Variants in CFAP43 observed in about 807,000 individuals in gnomAD.
CFAP43 encodes the protein cilia- and flagella-associated protein 43.
In CFAP43, 155 loss-of-function variants were observed where a neutral mutation model predicts 218.9. The ratio of observed to expected loss-of-function variants is 0.71; its 90% CI spans 0.62 to 0.81. CFAP43 has a LOEUF of 0.81. Ranked by LOEUF, CFAP43 falls within the 30% of genes least tolerant of loss-of-function variation. CFAP43 has a pLI of 0.00. For missense variants in CFAP43, 1,778 were observed against 1,954.3 expected (o/e 0.91, Z 1.70); for synonymous variants, 645 against 681.3 (o/e 0.95, Z 0.83).
intron 33 of CFAP43, 46 bp from the exon 34 acceptor site, chr10:104,141,047 A>C (rs775930361): frequency 6.5e-7 from 1 of 1,533,922 alleles, no homozygotes. Flanking sequence ...ATATATTTCA[A>C]ATTTCACCTA....
At chr10:104,213,690 C>G (rs2090929764) in intron 4 of CFAP43, among the ~76,000 whole-genome samples, 1 of 152,094 alleles carries the variant, frequency 6.6e-6, no homozygotes, top group African/African-American at 2.4e-5. Context: ...CATGCGCCAC[C>G]ATGCCCGGCT....
chr10:104,139,587 G>A (rs2087610838), intron 34 of CFAP43, among the ~76,000 whole-genome samples: 2 of 152,162 alleles, frequency 1.3e-5, no homozygotes, highest in African/African-American at 4.8e-5. Context: ...TGAAAAGAGA[G>A]AGAGAGAGAA....
chr10:104,146,859 G>A (rs1256238365), intron 29 of CFAP43, among the ~76,000 whole-genome samples: 1 of 152,126 alleles, frequency 6.6e-6, no homozygotes, highest in East Asian at 1.9e-4. Context: ...ACCATCCAGA[G>A]AAAGCCAAAT....
chr10:104,156,403 T>G (rs1261709876), intron 27 of CFAP43, among the ~76,000 whole-genome samples: 3 of 152,218 alleles, frequency 2.0e-5, no homozygotes, highest in Admixed American at 6.5e-5. Context: ...AGTATTTGTT[T>G]TGTTTGTTTG....
At chr10:104,187,041 A>T (rs751085098) in intron 14 of CFAP43, among the ~76,000 whole-genome samples, 6 of 152,234 alleles carry the variant, frequency 3.9e-5, no homozygotes, top group African/African-American at 7.2e-5. Context: ...TCCTAATGCT[A>T]GGTTGTTTTT....
intron 23 of CFAP43, among the ~76,000 whole-genome samples, 175 bp downstream of exon 23, chr10:104,166,313 C>T (rs1488388046): frequency 1.3e-5 from 2 of 152,156 alleles, no homozygotes; most frequent in Non-Finnish European, 2.9e-5. Context: ...ACCTCACGAT[C>T]TGACTGCCTC....
At chr10:104,182,202 A>T (rs550030111) in intron 17 of CFAP43, among the ~76,000 whole-genome samples, 164 bp downstream of exon 17, 1 of 152,348 alleles carries the variant, frequency 6.6e-6, no homozygotes, top group African/African-American at 2.4e-5. Context: ...GAAAGGCTGA[A>T]TATTTTCTCT....
At chr10:104,141,433 G>A (rs933616695) in intron 33 of CFAP43, among the ~76,000 whole-genome samples, 1 of 152,016 alleles carries the variant, frequency 6.6e-6, no homozygotes, top group Non-Finnish European at 1.5e-5. Context: ...CCAACATGGC[G>A]AAACCCCATC....
At chr10:104,187,243 A>G in intron 14 of CFAP43, 77 bp downstream of exon 14, 4 of 1,234,112 alleles carry the variant, frequency 3.2e-6, no homozygotes, top group Non-Finnish European at 4.3e-6. Flanking sequence ...AGTGGTCAAG[A>G]GGATCACATC....
At chr10:104,151,453 G>GGTATCT (rs1442268182) in intron 28 of CFAP43, among the ~76,000 whole-genome samples, 1 of 152,018 alleles carries the variant, frequency 6.6e-6, no homozygotes, top group Non-Finnish European at 1.5e-5. Context: ...AGTGTGAGAT[G>GGTATCT]GTATCTGGTA....
intron 27 of CFAP43, among the ~76,000 whole-genome samples, chr10:104,158,980 A>G (rs1589666005): frequency 1.3e-5 from 2 of 152,174 alleles, no homozygotes. Context: ...TTCATGTAAC[A>G]TTTATGTACA....
rs536214108 is a variant in CFAP43, at chr10:104,192,243, A to G, written c.1502T>C (p.Ile501Thr). 2.4e-5 allele frequency: 39 copies of G among 1,613,072 alleles called. No homozygotes were observed. In the South Asian group the frequency reaches 4.2e-4, roughly 17 times the overall value. ...VGTAEGKVFI[I>T]NANSSSSFQI... ...AAATGAGCTTGAGGAGTTGGCATTGATAATAAAGACTTTTCCTTCTGCTGT... is the reference window on the plus strand; with the variant it reads ...AAATGAGCTTGAGGAGTTGGCATTGGTAATAAAGACTTTTCCTTCTGCTGT... Residue 501 changes from isoleucine to threonine, a missense_variant, in exon 12 of 38, where the codon ATC (isoleucine) becomes ACC (threonine). Transcript: ENST00000357060.
intron 5 of CFAP43, among the ~76,000 whole-genome samples, chr10:104,210,783 CTTTTT>C (rs68153454): frequency 8.0e-5 from 6 of 75,444 alleles, no homozygotes; most frequent in African/African-American, 1.2e-4. Context: ...GTGAAACACT[CTTTTT>C]TTTTTTTTTT....
chr10:104,179,446 G>GT (rs2089746710), intron 18 of CFAP43, among the ~76,000 whole-genome samples: 1 of 152,196 alleles, frequency 6.6e-6, no homozygotes, highest in Non-Finnish European at 1.5e-5. Flanking sequence ...GACACGAGCT[G>GT]TAATCAGTCA....
Position 104,164,400 on chromosome 10 carries a change from T to TG in CFAP43, c.3040-101_3040-100insC. ...TTTCCCTCTAAAATCATTCCACAAATTTTTTTTTTTTTTTTGAGATGCAGT... is the reference window on the plus strand; with the variant it reads ...TTTCCCTCTAAAATCATTCCACAAATGTTTTTTTTTTTTTTTGAGATGCAGT... On this transcript the variant is annotated intron_variant, in intron 23 of 37. Coordinates refer to ENST00000357060, the MANE Select transcript of CFAP43 (RefSeq NM_025145.7). 2.5e-5 allele frequency: 5 copies of TG among 200,312 alleles called. No individual in the cohort carries two copies. The Admixed American group carries it at 3.7e-4, about 15-fold the overall frequency. The allele number at this position is 200,312 out of a possible 1,614,324, so 12.4% of individuals were successfully genotyped here. A position where few individuals can be genotyped will look rare whatever the true frequency, so the allele number is the denominator to read the frequency against.
Position 104,136,534 on chromosome 10 carries a change from C to T in CFAP43, c.4432-2750G>A, listed in dbSNP as rs1456610978. On this transcript the variant is annotated intron_variant, in intron 34 of 37. Transcript: ENST00000357060. ...TACAGGTGCCTGCCACCATGCCCGG[C>T]TAATTTTTGTATTTTTAGTAGAGAC... Among the ~76,000 whole-genome samples the T allele has an allele frequency of 2.6e-5, 4 of 151,700 alleles. No individual in the cohort carries two copies. In the East Asian group the frequency reaches 7.9e-4, roughly 30 times the overall value.
At chr10:104,230,995 C>T (rs2091436037) in intron 1 of CFAP43, 152 bp from the exon 2 acceptor site, 5 of 852,792 alleles carry the variant, frequency 5.9e-6, no homozygotes, top group South Asian at 4.2e-5. Context: ...CACATGCTGG[C>T]TGTGAGATCC....
intron 3 of CFAP43, 103 bp downstream of exon 3, chr10:104,225,358 C>T: frequency 2.1e-6 from 2 of 936,724 alleles, no homozygotes; most frequent in Non-Finnish European, 3.1e-6. Context: ...TTCTATATTT[C>T]CTTGTTTCAG....
At chr10:104,210,460 G>A (rs1304707494) in intron 5 of CFAP43, among the ~76,000 whole-genome samples, 1 of 152,182 alleles carries the variant, frequency 6.6e-6, no homozygotes, top group Non-Finnish European at 1.5e-5. Flanking sequence ...TCCGCCTCCC[G>A]GCTTCAAGTG....
Sources: gnomAD v4.1 joint callset for allele counts (sites outside exome capture counted in the v4.1 genomes callset) on GRCh38, gnomAD v4.1.1 for gene constraint, MANE v1.5 for transcripts, NCBI Gene and HGNC (gene_info 2026-07-23, HGNC 2026-07-21) for gene names.